NOS1: variants seen among roughly 807,000 people sequenced by gnomAD.
The protein encoded by NOS1 is nitric oxide synthase 1, also known as NOS type I.
NOS1 carries 51 observed loss-of-function variants against 164.5 expected under a neutral mutation model. That is an observed-to-expected ratio of 0.31 (90% confidence interval 0.25 to 0.39). The LOEUF (loss-of-function observed/expected upper bound fraction) is 0.39. Ranked by LOEUF, NOS1 falls within the 10% of genes least tolerant of loss-of-function variation. The pLI, the probability that NOS1 is intolerant of heterozygous loss-of-function variation, is 1.00. For synonymous variants in NOS1, 719 were observed against 745.8 expected (o/e 0.96, Z 0.59); for missense variants, 1,362 against 1,885.6 (o/e 0.72, Z 5.14).
intron 2 of NOS1, among the ~76,000 whole-genome samples, chr12:117,318,293 G>T (rs1355831440): frequency 6.6e-6 from 1 of 152,090 alleles, no homozygotes; most frequent in Non-Finnish European, 1.5e-5. Flanking sequence ...GACACACTGG[G>T]AGACCCATTT....
chr12:117,293,374 C>T (rs1478061893), intron 3 of NOS1, among the ~76,000 whole-genome samples: 2 of 152,148 alleles, frequency 1.3e-5, no homozygotes, highest in African/African-American at 2.4e-5. Context: ...TCTTAATCAT[C>T]AGCCTCTTCT....
intron 2 of NOS1, among the ~76,000 whole-genome samples, chr12:117,325,567 A>T (rs979471678): frequency 6.6e-6 from 1 of 152,182 alleles, no homozygotes; most frequent in African/African-American, 2.4e-5. Context: ...CACACATATA[A>T]AAGGCAAGCT....
intron 3 of NOS1, among the ~76,000 whole-genome samples, chr12:117,297,320 G>T (rs1873483698): frequency 6.6e-6 from 1 of 152,200 alleles, no homozygotes; most frequent in Non-Finnish European, 1.5e-5. Context: ...TCTGGAAGTG[G>T]AACTGAGAGT....
intron 11 of NOS1, among the ~76,000 whole-genome samples, chr12:117,266,984 G>A (rs1440429310): frequency 1.3e-5 from 2 of 152,146 alleles, no homozygotes; most frequent in Non-Finnish European, 2.9e-5. Flanking sequence ...CTCTTGCCCT[G>A]TCTCAACTTG....
chr12:117,263,521 A>T (rs1350973508), intron 13 of NOS1, among the ~76,000 whole-genome samples: 1 of 151,814 alleles, frequency 6.6e-6, no homozygotes, highest in Non-Finnish European at 1.5e-5. Context: ...GAAATTGGTC[A>T]TAGTGGGAAT....
chr12:117,282,322 A>G (rs1873741049), intron 7 of NOS1, among the ~76,000 whole-genome samples: 2 of 152,166 alleles, frequency 1.3e-5, no homozygotes, highest in South Asian at 4.1e-4. Flanking sequence ...ATCCCAGGCT[A>G]TGGAAACATG....
chr12:117,340,427 G>C (rs1876042767), intron 1 of NOS1, among the ~76,000 whole-genome samples: 1 of 152,226 alleles, frequency 6.6e-6, no homozygotes, highest in Non-Finnish European at 1.5e-5. Context: ...TACTCTCTCT[G>C]AGTCATAGTT....
chr12:117,226,829 C>T, intron 23 of NOS1, 59 bp from the exon 24 acceptor site: 1 of 1,356,094 alleles, frequency 7.4e-7, no homozygotes, highest in Admixed American at 1.8e-5. Context: ...GGCCTCCCCT[C>T]CTCCCTCCAG....
chr12:117,357,650 C>T (rs1449906620), intron 1 of NOS1, among the ~76,000 whole-genome samples: 1 of 152,134 alleles, frequency 6.6e-6, no homozygotes, highest in Non-Finnish European at 1.5e-5. Context: ...CCTGGAGCAA[C>T]CTTGTTAAAA....
intron 1 of NOS1, among the ~76,000 whole-genome samples, chr12:117,359,025 C>T (rs2136100814): frequency 6.6e-6 from 1 of 152,348 alleles, no homozygotes; most frequent in South Asian, 2.1e-4. Context: ...GTTTGGTTTG[C>T]CCCACCTCAA....
In NOS1 at chr12:117,272,361, G is replaced by A. The variant is rs1234588439; in HGVS notation, c.1839+24C>T. The A allele has an allele frequency of 1.2e-6, 2 of 1,613,786 alleles. No individual in the cohort carries two copies. Among genetic ancestry groups the A allele is most frequent in the Non-Finnish European group, 1.7e-6 (2 of 1,179,772 alleles). ...ACCCTCTGCTATGTGCTTTTCCCCT[G>A]TGGTGACCAGAGAGGGCCCTTACCT... On this transcript the variant is annotated intron_variant, in intron 10 of 28. Coordinates refer to ENST00000317775, the MANE Select transcript of NOS1 (RefSeq NM_000620.5). This position sits in a 1 kb window ranked among gnomAD's most constrained non-coding sequence, Gnocchi z 4.3.
intron 3 of NOS1, among the ~76,000 whole-genome samples, chr12:117,299,028 T>C (rs907985033): frequency 6.6e-6 from 1 of 152,234 alleles, no homozygotes; most frequent in Non-Finnish European, 1.5e-5. Context: ...GGGGCTGAGC[T>C]GGGCAGAGGG....
intron 16 of NOS1, chr12:117,256,090 G>T (rs1871421238): frequency 3.0e-6 from 3 of 1,005,328 alleles, no homozygotes; most frequent in Non-Finnish European, 2.8e-6. Flanking sequence ...GGGGTGAGAG[G>T]GAACCTGCTG....
At chr12:117,328,567 C>CT (rs1203757859) in intron 2 of NOS1, among the ~76,000 whole-genome samples, 30 of 151,014 alleles carry the variant, frequency 2.0e-4, no homozygotes, top group East Asian at 3.9e-4. Flanking sequence ...TTTTTTGTTC[C>CT]TTTTTTTTTG....
At chr12:117,224,968 C>A (rs1397970203) in intron 25 of NOS1, 48 bp downstream of exon 25, 8 of 1,612,474 alleles carry the variant, frequency 5.0e-6, no homozygotes, top group Admixed American at 1.7e-5. Context: ...AGCTGGACCT[C>A]CCCAGGTCCG....
chr12:117,340,777 G>A (rs1876063861), intron 1 of NOS1, among the ~76,000 whole-genome samples: 1 of 151,578 alleles, frequency 6.6e-6, no homozygotes, highest in South Asian at 2.1e-4. Context: ...CAGGCTGAGT[G>A]CAGTGGCGTG....
intron 9 of NOS1, among the ~76,000 whole-genome samples, chr12:117,277,401 A>G (rs549241765): frequency 4.6e-5 from 7 of 151,648 alleles, no homozygotes; most frequent in East Asian, 3.9e-4. Context: ...CCTGGACAAT[A>G]TGGCAAAACC....
intron 20 of NOS1, among the ~76,000 whole-genome samples, chr12:117,242,297 G>T (rs562333634): frequency 3.9e-5 from 6 of 152,264 alleles, no homozygotes; most frequent in Non-Finnish European, 7.3e-5. Context: ...GGAAATACTT[G>T]GACTAAGTGA....
intron 20 of NOS1, among the ~76,000 whole-genome samples, chr12:117,236,735 A>G (rs183844625): frequency 1.3e-5 from 2 of 152,330 alleles, no homozygotes; most frequent in East Asian, 3.9e-4. Flanking sequence ...AAGGCCCGCA[A>G]ATCAATTCCC....
Sources: gnomAD v4.1 joint callset for allele counts (sites outside exome capture counted in the v4.1 genomes callset) on GRCh38, gnomAD v4.1.1 for gene constraint, Gnocchi (gnomAD v3.1) non-coding constraint, MANE v1.5 for transcripts, NCBI Gene and HGNC (gene_info 2026-07-23, HGNC 2026-07-21) for gene names.